The following LPP variants were observed in gnomAD, a reference collection of about 807,000 sequenced individuals.
LPP encodes lipoma-preferred partner.
In LPP, 38 loss-of-function variants were observed where a neutral mutation model predicts 60.4. That is an observed-to-expected ratio of 0.63 (90% CI 0.49 to 0.83). LPP has a LOEUF of 0.83. LPP is among the 40% of genes least tolerant of loss of function. The pLI is 0.00. For synonymous variants in LPP, 328 were observed against 290.8 expected, an observed-to-expected ratio of 1.13 and a Z score of -1.30; for missense variants, 902 against 783.6, an observed-to-expected ratio of 1.15 and a Z score of -1.80.
intron 2 of LPP, among the ~76,000 whole-genome samples, chr3:188,255,700 C>T (rs1731430286): frequency 6.6e-6 from 1 of 152,184 alleles, no homozygotes; most frequent in South Asian, 2.1e-4. Flanking sequence ...TGTTTCCATG[C>T]TGACACTAAA....
chr3:188,719,800 C>G (rs1715578494), intron 8 of LPP, among the ~76,000 whole-genome samples: 1 of 152,218 alleles, frequency 6.6e-6, no homozygotes, highest in Non-Finnish European at 1.5e-5. Flanking sequence ...TAAGCATCTC[C>G]TTACAGACTT....
At chr3:188,583,052 T>C (rs1194779461) in intron 6 of LPP, among the ~76,000 whole-genome samples, 1 of 152,212 alleles carries the variant, frequency 6.6e-6, no homozygotes, top group Non-Finnish European at 1.5e-5. Context: ...ATTACTTTCC[T>C]GTCTAATATG....
intron 6 of LPP, among the ~76,000 whole-genome samples, chr3:188,582,739 T>C (rs1836536944): frequency 6.6e-6 from 1 of 152,224 alleles, no homozygotes; most frequent in South Asian, 2.1e-4. Flanking sequence ...CATCCACTTC[T>C]CTCAGGAATT....
At chr3:188,179,850 G>A in intron 1 of LPP, 1 of 263,984 alleles carries the variant, frequency 3.8e-6, no homozygotes, top group Non-Finnish European at 7.5e-6. Flanking sequence ...ACAGATAATG[G>A]CACCTTGAGG....
chr3:188,454,298 C>G (rs1345654563), intron 4 of LPP, among the ~76,000 whole-genome samples: 1 of 152,218 alleles, frequency 6.6e-6, no homozygotes, highest in Non-Finnish European at 1.5e-5. Flanking sequence ...TACTGGCTTT[C>G]TCAGTTGATG....
intron 7 of LPP, among the ~76,000 whole-genome samples, chr3:188,696,117 G>A (rs186373890): frequency 4.2e-4 from 64 of 152,156 alleles, no homozygotes; most frequent in African/African-American, 1.5e-3. Context: ...ACATAGAAAG[G>A]TGAAGGAATT....
At chr3:188,446,538 T>A (rs756473812) in intron 4 of LPP, among the ~76,000 whole-genome samples, 15 of 152,256 alleles carry the variant, frequency 9.9e-5, no homozygotes, top group Non-Finnish European at 1.9e-4. Flanking sequence ...TTTTTATTTT[T>A]CTTTGTTTTT....
intron 1 of LPP, chr3:188,179,988 A>T (rs1724436862): frequency 6.2e-6 from 1 of 161,626 alleles, no homozygotes; most frequent in African/African-American, 2.4e-5. Context: ...CTTGGCCAAT[A>T]AGAATGTATT....
At chr3:188,324,093 G>A (rs1757708008) in intron 2 of LPP, among the ~76,000 whole-genome samples, 1 of 152,018 alleles carries the variant, frequency 6.6e-6, no homozygotes, top group African/African-American at 2.4e-5. Flanking sequence ...ATTTTATAGG[G>A]ATAGGTTGTG....
chr3:188,349,852 T>C (rs959903302), intron 3 of LPP, among the ~76,000 whole-genome samples: 2 of 152,242 alleles, frequency 1.3e-5, no homozygotes, highest in Non-Finnish European at 2.9e-5. Context: ...AATTTCTTAC[T>C]TGTAAAACTG....
At chr3:188,331,196 G>T (rs970342070) in intron 2 of LPP, among the ~76,000 whole-genome samples, 15 of 151,964 alleles carry the variant, frequency 9.9e-5, no homozygotes, top group African/African-American at 3.1e-4. Context: ...TTTGCTCAGG[G>T]GTCTCCTCTT....
rs1245136580 is a variant in LPP at position 188,225,494 on chromosome 3, C to T, written c.-100C>T. The stretch of plus-strand genomic sequence containing the variant: ...CTGCTTTTTTCATTGTTCCACTGGA[C>T]GCTCATCAGAGGGAAGATCTTTTTC... On this transcript the variant is annotated 5_prime_UTR_variant, in exon 2 of 12. It adds an upstream start codon to the 5' untranslated region. Coordinates refer to ENST00000617246, the MANE Select transcript of LPP (RefSeq NM_001375462.1). 2 of 152,186 alleles carry T rather than the reference C, an allele frequency of 1.3e-5. No individual in the cohort carries two copies. Among genetic ancestry groups the T allele is most frequent in the South Asian group, 2.1e-4 (1 of 4,836 alleles). 9.4% of individuals were successfully genotyped at this position (152,186 alleles called of 1,614,324 possible).
intron 8 of LPP, among the ~76,000 whole-genome samples, chr3:188,745,765 C>T (rs972920792): frequency 1.8e-4 from 27 of 152,264 alleles, no homozygotes; most frequent in African/African-American, 6.3e-4. Flanking sequence ...CACTCCCCTT[C>T]GTTCTCCTTC....
intron 1 of LPP, among the ~76,000 whole-genome samples, chr3:188,180,970 A>G (rs1012166409): frequency 6.6e-6 from 1 of 152,098 alleles, no homozygotes; most frequent in African/African-American, 2.4e-5. Flanking sequence ...AGAATTTGAA[A>G]TGCCTTGCAC....
intron 3 of LPP, among the ~76,000 whole-genome samples, chr3:188,389,596 C>T (rs1451153934): frequency 3.3e-5 from 5 of 151,840 alleles, no homozygotes; most frequent in Non-Finnish European, 5.9e-5. Flanking sequence ...GCCAATGTGG[C>T]GAAACGCCAT....
rs572501370 is a variant in LPP, at chr3:188,186,027, G to A, written c.-190+31775G>A. Among the ~76,000 whole-genome samples the A allele has an allele frequency of 2.0e-5, 3 of 152,288 alleles. No individual in the cohort carries two copies. In the South Asian group the frequency reaches 6.2e-4, roughly 32 times the overall value. On this transcript the variant is annotated intron_variant, in intron 1 of 11. Coordinates refer to ENST00000617246, the MANE Select transcript of LPP (RefSeq NM_001375462.1). ...GTAGGAAAGGAGTGTCAGGCCTGCG[G>A]CTTCCTATTTCCTCATTCAGGGCAC...
intron 7 of LPP, among the ~76,000 whole-genome samples, chr3:188,670,881 G>A (rs776053737): frequency 1.1e-4 from 17 of 152,098 alleles, no homozygotes; most frequent in East Asian, 9.6e-4. Flanking sequence ...ATGTGTCCTC[G>A]TTGCCATCCT....
At chr3:188,607,116 G>GACACACACACACACAC (rs34057522) in intron 6 of LPP, among the ~76,000 whole-genome samples, 1 of 129,562 alleles carries the variant, frequency 7.7e-6, no homozygotes, top group Non-Finnish European at 1.6e-5. Context: ...TCTTGGTGAA[G>GACACACACACACACAC]ACACACACAC....
chr3:188,697,672 A>G (rs1213756377), intron 7 of LPP, among the ~76,000 whole-genome samples: 1 of 152,182 alleles, frequency 6.6e-6, no homozygotes, highest in Non-Finnish European at 1.5e-5. Flanking sequence ...CCATTTTTAT[A>G]ATATTCTGTT....
Sources: allele counts gnomAD v4.1 joint callset (sites outside exome capture counted in the v4.1 genomes callset), GRCh38; gene constraint gnomAD v4.1.1; transcripts MANE v1.5; gene names NCBI Gene and HGNC (gene_info 2026-07-23, HGNC 2026-07-21).